The following DCT variants were observed in gnomAD, a reference collection of about 807,000 sequenced individuals.
DCT encodes L-dopachrome tautomerase.
In DCT, 47 loss-of-function variants were observed where a neutral mutation model predicts 53.0. The observed-to-expected ratio is 0.89, with a 90% CI of 0.70 to 1.13. The LOEUF (loss-of-function observed/expected upper bound fraction) is 1.13. Among genes scored for constraint, DCT ranks in the 50% most tolerant of loss-of-function variants. The probability of loss-of-function intolerance (pLI) is 0.00; values close to 1 mark genes in which losing one functional copy is unlikely to be tolerated. For synonymous variants in DCT, 244 were observed against 237.0 expected, an observed-to-expected ratio of 1.03 and a Z score of -0.27; for missense variants, 669 against 637.4, an observed-to-expected ratio of 1.05 and a Z score of -0.53.
At chr13:94,466,739 G>C (rs534760824) in intron 2 of DCT, 81 bp from the exon 3 acceptor site, 1 of 815,710 alleles carries the variant, frequency 1.2e-6, no homozygotes, top group African/African-American at 1.7e-5. Context: ...TGTATCTATA[G>C]AGCCAATAAG....
rs1275095521 is a variant in DCT at position 94,460,186 on chromosome 13, C to T, written c.1084G>A (p.Asp362Asn). ...EGFDKADGTL[D>N]SQVMSLHNLV... is the part of the protein sequence containing the mutation. ...TTATGAAGGCTCATCACTTGAGAAT[C>T]CAGAGTCCCATCTGCTTTATCAAAC... The change falls in exon 6 of 8, where the codon GAT becomes AAT. Residue 362 changes from aspartate to asparagine, a missense_variant. By Grantham distance (23) the Asp-to-Asn change is conservative. Coordinates refer to ENST00000377028, the MANE Select transcript of DCT (RefSeq NM_001922.5). The T allele has an allele frequency of 1.2e-6, 2 of 1,613,684 alleles. No individual in the cohort carries two copies. The highest frequency in any genetic ancestry group is 2.2e-5 in the East Asian group (1 of 44,858).
the DCT span, among the ~76,000 whole-genome samples, chr13:94,505,169 C>T: frequency 6.6e-6 from 1 of 150,788 alleles, no homozygotes; most frequent in South Asian, 2.1e-4. Flanking sequence ...CTGGTTTGGT[C>T]TTGGGGAAAG....
At chr13:94,509,274 G>A in the DCT span, among the ~76,000 whole-genome samples, 2 of 152,196 alleles carry the variant, frequency 1.3e-5, no homozygotes, top group Non-Finnish European at 2.9e-5. Context: ...GCAGTATGGT[G>A]GGTAGGATGT....
chr13:94,458,801 C>G (rs1182324435), intron 6 of DCT, among the ~76,000 whole-genome samples: 1 of 152,000 alleles, frequency 6.6e-6, no homozygotes, highest in East Asian at 1.9e-4. Context: ...GACTCTGTCT[C>G]CAAAAACAAA....
Position 94,442,043 on chromosome 13 carries a change from A to G in DCT, c.1381+1393T>C, listed in dbSNP as rs1450561533. ...TTTTTTTTTGATAGCAGTCATCCCA[A>G]TGGGTATGAGGTGGTATCTTATTGG... On this transcript the variant is annotated intron_variant, in intron 7 of 7. Coordinates refer to ENST00000377028, the MANE Select transcript of DCT (RefSeq NM_001922.5). 5.3e-5 allele frequency among the ~76,000 whole-genome samples: 8 copies of G among 152,012 alleles called. No individual in the cohort carries two copies. In the East Asian group the frequency reaches 5.8e-4, roughly 11 times the overall value.
the DCT span, among the ~76,000 whole-genome samples, chr13:94,512,304 G>A: frequency 6.6e-6 from 1 of 152,064 alleles, no homozygotes; most frequent in African/African-American, 2.4e-5. Flanking sequence ...GCGTGGCCTA[G>A]GACTGTGCTA....
chr13:94,540,662 A>T, the DCT span, among the ~76,000 whole-genome samples: 1 of 152,190 alleles, frequency 6.6e-6, no homozygotes, highest in Non-Finnish European at 1.5e-5. Flanking sequence ...GCTGGTGAGG[A>T]TGTGGAGAAA....
the DCT span, among the ~76,000 whole-genome samples, chr13:94,531,003 A>G: frequency 2.0e-5 from 3 of 152,200 alleles, no homozygotes; most frequent in African/African-American, 7.2e-5. Flanking sequence ...TTAACAGACA[A>G]AAAGAGAGTC....
rs61758413 is a variant in DCT at position 94,478,828 on chromosome 13, C to A, written c.295+133G>T. On this transcript the variant is annotated intron_variant, in intron 1 of 7. Transcript: ENST00000377028. The stretch of plus-strand genomic sequence containing the variant: ...ACATCAGCCTTATTGAATATGCTTC[C>A]GACCAAAACCATCATTGGTTTGCCT... 5.9e-6 allele frequency: 5 copies of A among 853,622 alleles called. No individual in the cohort carries two copies. The Admixed American group carries it at 1.4e-4, about 24-fold the overall frequency. The allele number at this position is 853,622 out of a possible 1,614,324, so 52.9% of individuals were successfully genotyped here.
the DCT span, among the ~76,000 whole-genome samples, chr13:94,525,077 C>T: frequency 2.6e-5 from 4 of 151,636 alleles, no homozygotes; most frequent in African/African-American, 4.9e-5. Flanking sequence ...TCTTAGACTT[C>T]GAGGCTCCAG....
the DCT span, among the ~76,000 whole-genome samples, chr13:94,544,809 G>T: frequency 6.6e-6 from 1 of 151,320 alleles, no homozygotes; most frequent in Non-Finnish European, 1.5e-5. Flanking sequence ...ATTTAAAAGA[G>T]GAGAATTATG....
rs1566867194 is a variant in DCT at position 94,479,019 on chromosome 13, G to A, written c.237C>T (p.Asn79=). ...TTGGCCACAGCTCACGGTCATCCTG[G>A]TTTCGTAGGATGTAGGGACCACTCC... ...RPWSGPYILR[N]QDDRELWPRK... Residue 79 remains asparagine (N), a synonymous_variant, in exon 1 of 8, where the codon AAC becomes AAT. Transcript: ENST00000377028. 1 of 1,613,900 alleles carries A rather than the reference G, an allele frequency of 6.2e-7. No homozygotes were observed. The highest frequency in any genetic ancestry group is 1.7e-5 in the Admixed American group (1 of 60,006).
At chr13:94,440,680 T>TTTTTG (rs1197918508) in intron 7 of DCT, among the ~76,000 whole-genome samples, 6 of 143,798 alleles carry the variant, frequency 4.2e-5, no homozygotes, top group African/African-American at 1.5e-4. Flanking sequence ...TTTTTGGTTT[T>TTTTTG]TTTTTTTTTT....
the DCT span, among the ~76,000 whole-genome samples, chr13:94,532,380 C>A: frequency 6.6e-6 from 1 of 152,156 alleles, no homozygotes; most frequent in African/African-American, 2.4e-5. Context: ...AGACTTGGAA[C>A]CAACTCACAT....
At chr13:94,468,616 C>T (rs913448150) in intron 2 of DCT, 130 bp downstream of exon 2, 15 of 831,846 alleles carry the variant, frequency 1.8e-5, no homozygotes, top group Non-Finnish European at 2.9e-5. Flanking sequence ...AATTCTACGA[C>T]TTTCATAAAC....
the DCT span, among the ~76,000 whole-genome samples, chr13:94,530,419 C>G: frequency 6.6e-6 from 1 of 152,150 alleles, no homozygotes. Context: ...AATCCAGCAG[C>G]CCATCAAAAA....
At chr13:94,532,037 G>A in the DCT span, among the ~76,000 whole-genome samples, 475 of 152,266 alleles carry the variant, frequency 3.1e-3, 2 homozygotes, top group African/African-American at 0.011. Flanking sequence ...ATGAAAAAAT[G>A]CTTATCATCA....
At chr13:94,488,536 G>A in the DCT span, among the ~76,000 whole-genome samples, 7 of 151,922 alleles carry the variant, frequency 4.6e-5, no homozygotes, top group Non-Finnish European at 2.9e-5. Flanking sequence ...GCAACATGGC[G>A]TAACCTATTT....
intron 7 of DCT, among the ~76,000 whole-genome samples, chr13:94,441,749 A>G: frequency 6.6e-6 from 1 of 152,218 alleles, no homozygotes; most frequent in East Asian, 1.9e-4. Flanking sequence ...TTCATCCACT[A>G]ACAGACACTT....
Sources: allele counts gnomAD v4.1 joint callset (sites outside exome capture counted in the v4.1 genomes callset), GRCh38; gene constraint gnomAD v4.1.1; transcripts MANE v1.5; gene names NCBI Gene and HGNC (gene_info 2026-07-23, HGNC 2026-07-21).